RNF25: variants seen among roughly 807,000 people sequenced by gnomAD.
RNF25 encodes the protein ring finger protein 25.
A neutral mutation model predicts 65.0 loss-of-function variants in RNF25; 32 were observed. The ratio of observed to expected loss-of-function variants is 0.49; its 90% CI spans 0.37 to 0.66. RNF25 has a LOEUF of 0.66. Ranked by LOEUF, RNF25 falls within the 30% of genes least tolerant of loss-of-function variation. RNF25 has a pLI of 0.00. For missense variants in RNF25, 493 were observed against 584.8 expected, an observed-to-expected ratio of 0.84 and a Z score of 1.62; for synonymous variants, 207 against 221.2, an observed-to-expected ratio of 0.94 and a Z score of 0.57.
chr2:218,665,635 CG>C (rs1402546572), intron 7 of RNF25, among the ~76,000 whole-genome samples: 2 of 151,346 alleles, frequency 1.3e-5, no homozygotes, highest in Non-Finnish European at 2.9e-5. Context: ...CCCAGCTACT[CG>C]GGAGGCTGAG....
chr2:218,667,981 C>A lies in RNF25; in HGVS notation c.288G>T (p.Thr96=). ...PRGLSDEQIH[T]ILQVLGHVAK... Reference sequence around the variant, plus strand: ...CCACGTGGCCCAGCACCTGTAAGATCCTGGAGGAAGAGGGCAAACCAAATA... The same window carrying A: ...CCACGTGGCCCAGCACCTGTAAGATACTGGAGGAAGAGGGCAAACCAAATA... Residue 96 remains threonine (T), a splice_region_variant and synonymous_variant, in exon 5 of 10, where the codon ACG becomes ACT. Coordinates refer to ENST00000295704, the MANE Select transcript of RNF25 (RefSeq NM_022453.3). The A allele has an allele frequency of 1.2e-6, 2 of 1,614,168 alleles. No homozygotes were observed. Among genetic ancestry groups the A allele is most frequent in the Non-Finnish European group, 1.7e-6 (2 of 1,180,000 alleles).
intron 1 of RNF25, among the ~76,000 whole-genome samples, chr2:218,669,807 C>T (rs2556386): frequency 0.53 from 81,141 of 152,078 alleles, 24,841 homozygotes; most frequent in African/African-American, 0.85. Flanking sequence ...TATAAAGCTT[C>T]ACACCTCACA....
chr2:218,668,524 A>G, intron 2 of RNF25, 81 bp downstream of exon 2: 1 of 1,103,124 alleles, frequency 9.1e-7, no homozygotes, highest in Non-Finnish European at 1.4e-6. Flanking sequence ...CAAGGCTCAC[A>G]ATGTCTTAAG....
intron 1 of RNF25, among the ~76,000 whole-genome samples, chr2:218,670,991 G>C (rs906912950): frequency 6.6e-6 from 1 of 151,982 alleles, no homozygotes; most frequent in African/African-American, 2.4e-5. Context: ...TGGCCAACAT[G>C]GCAAAACTCC....
In RNF25 at chr2:218,668,211, C is replaced by G. The variant is rs757850837; in HGVS notation, c.219+28G>C. The G allele has an allele frequency of 3.1e-6, 5 of 1,612,666 alleles. No individual in the cohort carries two copies. In the Admixed American group the frequency reaches 8.3e-5, roughly 27 times the overall value. On this transcript the variant is annotated intron_variant, in intron 3 of 9. Coordinates refer to ENST00000295704, the MANE Select transcript of RNF25 (RefSeq NM_022453.3). ...ACCCCAGGGACTCTCCCCTTCCTCC[C>G]TTTGCTGCCACACAGTAGGGGCTTC...
Position 218,664,797 on chromosome 2 carries a change from C to T in RNF25, c.743G>A (p.Arg248Gln), listed in dbSNP as rs147462219. 173 of 1,614,254 alleles carry T rather than the reference C, an allele frequency of 1.1e-4. No individual in the cohort carries two copies. Among genetic ancestry groups the T allele is most frequent in the African/African-American group, 1.0e-3 (77 of 75,068 alleles). The change falls in exon 9 of 10, where the codon CGG becomes CAG. Residue 248 changes from arginine (R) to glutamine (Q), a missense_variant. Arg to Gln is a conservative substitution (Grantham distance 43). This residue lies in a region of RNF25 where 351 missense variants were observed against 400.2 expected (regional missense o/e 0.88). Coordinates refer to ENST00000295704, the MANE Select transcript of RNF25 (RefSeq NM_022453.3). This position sits in a 1 kb window ranked among gnomAD's most constrained non-coding sequence, Gnocchi z 5.1. ...AGCCTCAAGGTCAATGATTCCCCCC[C>T]GCTCCTGCTGCCTCTGGTAGAGCCG... The part of the protein sequence containing the change: ...RKRLYQRQQE[R>Q]GGIIDLEAER...
chr2:218,664,039 G>A lies in RNF25; in HGVS notation c.1298C>T (p.Pro433Leu). 6.7e-7 allele frequency: 1 copy of A among 1,501,156 alleles called. No individual in the cohort carries two copies. Among genetic ancestry groups the A allele is most frequent in the Non-Finnish European group, 8.9e-7 (1 of 1,125,364 alleles). 93.0% of individuals were successfully genotyped at this position (1,501,156 alleles called of 1,614,324 possible). A position where few individuals can be genotyped will look rare whatever the true frequency, so the allele number is the denominator to read the frequency against. Residue 433 changes from proline (P) to leucine (L), a missense_variant, in exon 10 of 10, where the codon CCT (proline) becomes CTT (leucine). By Grantham distance (98) the Pro-to-Leu change is moderately conservative. This residue lies in a region of RNF25 where 351 missense variants were observed against 400.2 expected (regional missense o/e 0.88). Coordinates refer to ENST00000295704, the MANE Select transcript of RNF25 (RefSeq NM_022453.3). This position sits in a 1 kb window ranked among gnomAD's most constrained non-coding sequence, Gnocchi z 5.1. The part of the protein sequence containing the change: ...SKGRTPGSSY[P>L]RLPRGQGAYR... ...TGCTCCCTGGCCCCGAGGCAGGCGAGGGTAGGAAGAACCGGGTGTCCGGCC... is the reference window on the plus strand; with the variant it reads ...TGCTCCCTGGCCCCGAGGCAGGCGAAGGTAGGAAGAACCGGGTGTCCGGCC...
intron 1 of RNF25, among the ~76,000 whole-genome samples, chr2:218,670,997 A>T (rs1469083474): frequency 1.3e-5 from 2 of 151,660 alleles, no homozygotes; most frequent in East Asian, 1.9e-4. Context: ...ACATGGCAAA[A>T]CTCCGTCTCT....
intron 1 of RNF25, 28 bp from the exon 2 acceptor site, chr2:218,668,707 C>A (rs943027171): frequency 2.0e-6 from 3 of 1,485,258 alleles, no homozygotes; most frequent in Admixed American, 3.3e-5. Flanking sequence ...GACTAACTTA[C>A]CATTACAGCT....
intron 7 of RNF25, 141 bp from the exon 8 acceptor site, chr2:218,665,388 G>A (rs1575113838): frequency 7.3e-6 from 5 of 686,476 alleles, no homozygotes; most frequent in African/African-American, 1.8e-5. Flanking sequence ...GACAGAGCAC[G>A]GGTTGTCTAA....
At chr2:218,665,848 G>A in intron 7 of RNF25, 68 bp downstream of exon 7, 1 of 1,554,384 alleles carries the variant, frequency 6.4e-7, no homozygotes, top group Non-Finnish European at 8.7e-7. Context: ...GGAGTGGAGA[G>A]ATGGAAAAGT....
At position 218,665,203 on chromosome 2, in the gene RNF25, C is replaced by T; in HGVS notation, c.618G>A (p.Val206=). Residue 206 remains valine, a synonymous_variant, in exon 8 of 10, where the codon GTG becomes GTA. Transcript: ENST00000295704. ...CTGCTTTCAGTGAGGCAAGATCATA[C>T]ACGAGGGGCTCTCTGCACACTGGAC... ...VQCPVCREPL[V]YDLASLKAAP... 2.5e-6 allele frequency: 4 copies of T among 1,614,214 alleles called. No homozygotes were observed. Among genetic ancestry groups the T allele is most frequent in the Middle Eastern group, 1.6e-4 (1 of 6,062 alleles).
intron 4 of RNF25, 48 bp from the exon 5 acceptor site, chr2:218,668,029 C>A: frequency 6.2e-7 from 1 of 1,612,396 alleles, no homozygotes; most frequent in Non-Finnish European, 8.5e-7. Context: ...ATTTCTGTCA[C>A]CGGGCAAAGC....
At chr2:218,666,326 C>T (rs1939826368) in intron 5 of RNF25, 96 bp from the exon 6 acceptor site, 1 of 966,124 alleles carries the variant, frequency 1.0e-6, no homozygotes, top group Non-Finnish European at 1.6e-6. Flanking sequence ...AGACTTGGCT[C>T]CTAGCAGGCC....
At chr2:218,670,652 C>G (rs915912982) in intron 1 of RNF25, among the ~76,000 whole-genome samples, 6 of 138,666 alleles carry the variant, frequency 4.3e-5, no homozygotes, top group African/African-American at 1.7e-4. Flanking sequence ...ACCGAGATTG[C>G]GCCACTGCAC....
Position 218,666,192 on chromosome 2 carries a change from A to G in RNF25, c.396T>C (p.His132=). 1 of 1,614,128 alleles carries G rather than the reference A, an allele frequency of 6.2e-7. No homozygotes were observed. The highest frequency in any genetic ancestry group is 8.5e-7 in the Non-Finnish European group (1 of 1,179,988). The change falls in exon 6 of 10, where the codon CAT becomes CAC. Residue 132 remains histidine (H), a synonymous_variant. Transcript: ENST00000295704. ...CATAGAGGCAGATGACACACTGGCC[A>G]TGAGGGATGTTGTTATCTGTGAGAA... The part of the protein sequence containing the change: ...KEILTDNNIP[H]GQCVICLYGF...
intron 5 of RNF25, among the ~76,000 whole-genome samples, chr2:218,666,904 C>T (rs1352708804): frequency 6.6e-6 from 1 of 152,218 alleles, no homozygotes; most frequent in African/African-American, 2.4e-5. Flanking sequence ...CGTGGTGGCT[C>T]ATGCCTATAA....
chr2:218,667,900 C>G lies in RNF25; in HGVS notation c.357+12G>C. On this transcript the variant is annotated intron_variant, in intron 5 of 9. Coordinates refer to ENST00000295704, the MANE Select transcript of RNF25 (RefSeq NM_022453.3). ...AAGGAAAGAACATATCTCAGACTAG[C>G]GCACCTCTTACCTCAATGAGTTCAT... 1 of 1,611,990 alleles carries G rather than the reference C, an allele frequency of 6.2e-7. No homozygotes were observed. Among genetic ancestry groups the G allele is most frequent in the Non-Finnish European group, 8.5e-7 (1 of 1,178,360 alleles).
In RNF25 at chr2:218,665,781, G is replaced by A. The variant is rs1294526595; in HGVS notation, c.573+135C>T. 16 of 1,184,488 alleles carry A rather than the reference G, an allele frequency of 1.4e-5. No individual in the cohort carries two copies. In the African/African-American group the frequency reaches 2.0e-4, roughly 15 times the overall value. 73.4% of individuals were successfully genotyped at this position (1,184,488 alleles called of 1,614,324 possible). A position where few individuals can be genotyped will look rare whatever the true frequency, so the allele number is the denominator to read the frequency against. On this transcript the variant is annotated intron_variant, in intron 7 of 9. Transcript: ENST00000295704. ...AAGGATGCCCTTTATTCTGGACAGA[G>A]GTAAGAGTTCATTAATCTCAAGGGT...
Sources: allele counts gnomAD v4.1 joint callset (sites outside exome capture counted in the v4.1 genomes callset), GRCh38; gene constraint gnomAD v4.1.1; regional missense constraint gnomAD v4.1.1; non-coding constraint Gnocchi (gnomAD v3.1); transcripts MANE v1.5; gene names NCBI Gene and HGNC (gene_info 2026-07-23, HGNC 2026-07-21).